Variants in PPP3CC observed in about 807,000 individuals in gnomAD.
PPP3CC encodes protein phosphatase 3 catalytic subunit gamma, also known as serine/threonine-protein phosphatase 2B catalytic subunit gamma isoform.
A neutral mutation model predicts 60.3 loss-of-function variants in PPP3CC; 35 were observed. The ratio of observed to expected loss-of-function variants is 0.58; its 90% CI spans 0.44 to 0.77. The LOEUF (loss-of-function observed/expected upper bound fraction) is 0.77. Ranked by LOEUF, PPP3CC falls within the 30% of genes least tolerant of loss-of-function variation. The probability of loss-of-function intolerance (pLI) is 0.00; values close to 1 mark genes in which losing one functional copy is unlikely to be tolerated. For missense variants in PPP3CC, 570 were observed against 628.9 expected (o/e 0.91, Z 1.00); for synonymous variants, 206 against 224.3 (o/e 0.92, Z 0.73).
rs557147686 is a variant in PPP3CC at position 22,467,451 on chromosome 8, G to C, written c.50-7503G>C. On this transcript the variant is annotated intron_variant, in intron 1 of 13. Coordinates refer to ENST00000240139, the MANE Select transcript of PPP3CC (RefSeq NM_005605.5). Reference sequence around the variant, plus strand: ...TTCAAGATGTGTTTTTTGTTTGTTTGTTTGTTTTGAGACAGAGCATTGCTC... The same window carrying C: ...TTCAAGATGTGTTTTTTGTTTGTTTCTTTGTTTTGAGACAGAGCATTGCTC... Among the ~76,000 whole-genome samples the C allele has an allele frequency of 4.6e-5, 7 of 152,114 alleles. 1 individual carries two copies. In the South Asian group the frequency reaches 8.3e-4, roughly 18 times the overall value.
intron 4 of PPP3CC, among the ~76,000 whole-genome samples, chr8:22,500,774 T>A (rs1180683780): frequency 6.6e-6 from 1 of 152,178 alleles, no homozygotes; most frequent in African/African-American, 2.4e-5. Flanking sequence ...TACAAATCCT[T>A]CCAGCCCTTG....
intron 3 of PPP3CC, among the ~76,000 whole-genome samples, chr8:22,487,162 T>C (rs1031105579): frequency 1.3e-5 from 2 of 152,228 alleles, no homozygotes; most frequent in African/African-American, 2.4e-5. Flanking sequence ...GTTAACATCT[T>C]TTTGAATATA....
intron 6 of PPP3CC, among the ~76,000 whole-genome samples, chr8:22,515,958 A>G (rs981138968): frequency 7.9e-6 from 1 of 126,992 alleles, no homozygotes; most frequent in Admixed American, 7.7e-5. Context: ...TTTTATTTTG[A>G]GACAAGGTCT....
intron 3 of PPP3CC, among the ~76,000 whole-genome samples, chr8:22,487,818 T>G (rs1838270029): frequency 6.6e-6 from 1 of 152,190 alleles, no homozygotes; most frequent in South Asian, 2.1e-4. Flanking sequence ...GATATAAATG[T>G]TATTAGATGA....
intron 4 of PPP3CC, among the ~76,000 whole-genome samples, chr8:22,506,028 G>A (rs145888871): frequency 1.3e-5 from 2 of 152,188 alleles, no homozygotes; most frequent in Non-Finnish European, 2.9e-5. Context: ...CTAGTACCCA[G>A]TAGTTATTTT....
At chr8:22,474,157 A>G (rs943513266) in intron 1 of PPP3CC, among the ~76,000 whole-genome samples, 1 of 151,584 alleles carries the variant, frequency 6.6e-6, no homozygotes, top group Non-Finnish European at 1.5e-5. Context: ...AGCCTCCCAA[A>G]GTGCTGGGAT....
chr8:22,505,580 A>T (rs1361604856), intron 4 of PPP3CC, among the ~76,000 whole-genome samples: 2 of 152,234 alleles, frequency 1.3e-5, no homozygotes, highest in Non-Finnish European at 2.9e-5. Flanking sequence ...TAGGGGAGGC[A>T]AAATTTTACC....
At chr8:22,514,415 C>T (rs1444030881) in intron 6 of PPP3CC, among the ~76,000 whole-genome samples, 2 of 152,032 alleles carry the variant, frequency 1.3e-5, no homozygotes, top group African/African-American at 2.4e-5. Flanking sequence ...CATGCACACA[C>T]ACATGAAACT....
At chr8:22,524,139 C>A (rs762381451) in intron 8 of PPP3CC, among the ~76,000 whole-genome samples, 16 of 152,158 alleles carry the variant, frequency 1.1e-4, no homozygotes, top group Non-Finnish European at 1.8e-4. Context: ...ACAGATTTTA[C>A]TGTTATTGTA....
chr8:22,459,036 A>G lies in PPP3CC; in HGVS notation c.50-15918A>G, dbSNP rs1394024157. On this transcript the variant is annotated intron_variant, in intron 1 of 13. Coordinates refer to ENST00000240139, the MANE Select transcript of PPP3CC (RefSeq NM_005605.5). The stretch of plus-strand genomic sequence containing the variant: ...GCACGTGGCATTATGTGTTTCACAT[A>G]TTGAAGTTGACACCAGAAATATACA... Among the ~76,000 whole-genome samples, 3 of 152,164 alleles carry G rather than the reference A, an allele frequency of 2.0e-5. No individual in the cohort carries two copies. The South Asian group carries it at 6.2e-4, about 32-fold the overall frequency.
chr8:22,502,456 G>C (rs531784136), intron 4 of PPP3CC, among the ~76,000 whole-genome samples: 8 of 152,246 alleles, frequency 5.3e-5, no homozygotes, highest in South Asian at 2.1e-4. Flanking sequence ...AGGCCGAGAT[G>C]GGGGCATTGC....
At chr8:22,498,685 TGTAA>T (rs1247912074) in intron 4 of PPP3CC, among the ~76,000 whole-genome samples, 2 of 152,216 alleles carry the variant, frequency 1.3e-5, no homozygotes, top group Non-Finnish European at 2.9e-5. Flanking sequence ...CAACATGGTT[TGTAA>T]GTGTTATTTT....
At chr8:22,455,424 G>T (rs1001888410) in intron 1 of PPP3CC, among the ~76,000 whole-genome samples, 17 of 152,300 alleles carry the variant, frequency 1.1e-4, no homozygotes, top group African/African-American at 4.1e-4. Flanking sequence ...TGTTTAATCT[G>T]ACTGTGACTA....
At chr8:22,474,106 G>A (rs1392346728) in intron 1 of PPP3CC, among the ~76,000 whole-genome samples, 1 of 151,684 alleles carries the variant, frequency 6.6e-6, no homozygotes, top group African/African-American at 2.4e-5. Flanking sequence ...TGTTGCCCAG[G>A]CTGGTCTTGA....
intron 1 of PPP3CC, among the ~76,000 whole-genome samples, chr8:22,454,885 T>C (rs568546331): frequency 6.6e-6 from 1 of 151,422 alleles, no homozygotes; most frequent in African/African-American, 2.4e-5. Context: ...TGAAACCCCA[T>C]CTCTACTAAA....
chr8:22,450,781 AT>A (rs369701924), intron 1 of PPP3CC, among the ~76,000 whole-genome samples: 47 of 151,948 alleles, frequency 3.1e-4, no homozygotes, highest in African/African-American at 1.1e-3. Context: ...CACAACCCTC[AT>A]CCCCAACCTA....
chr8:22,498,372 A>G (rs1838652988), intron 4 of PPP3CC, among the ~76,000 whole-genome samples: 1 of 152,220 alleles, frequency 6.6e-6, no homozygotes, highest in South Asian at 2.1e-4. Context: ...AAAAGTGTCC[A>G]TAATCAGGTT....
At chr8:22,522,932 T>C (rs1839447098) in intron 8 of PPP3CC, 183 bp downstream of exon 8, 1 of 516,054 alleles carries the variant, frequency 1.9e-6, no homozygotes, top group Non-Finnish European at 3.4e-6. Flanking sequence ...GGTCTTTATC[T>C]CCTAAGGATT....
chr8:22,467,288 A>T (rs1216296094), intron 1 of PPP3CC, among the ~76,000 whole-genome samples: 2 of 152,158 alleles, frequency 1.3e-5, no homozygotes, highest in Non-Finnish European at 2.9e-5. Flanking sequence ...TAAGTACCTA[A>T]CACATAGTAG....
Sources: gnomAD v4.1 joint callset for allele counts (sites outside exome capture counted in the v4.1 genomes callset) on GRCh38, gnomAD v4.1.1 for gene constraint, MANE v1.5 for transcripts, NCBI Gene and HGNC (gene_info 2026-07-23, HGNC 2026-07-21) for gene names.